MBTPS1: variants seen among roughly 807,000 people sequenced by gnomAD.
The protein encoded by MBTPS1 is membrane bound transcription factor peptidase, site 1.
MBTPS1 carries 94 observed loss-of-function variants against 127.8 expected under a neutral mutation model. That is an observed-to-expected ratio of 0.74 (90% CI 0.62 to 0.87). The LOEUF (loss-of-function observed/expected upper bound fraction) is 0.87, where lower values mean the gene tolerates loss of function less well. Ranked by LOEUF, MBTPS1 falls within the 40% of genes least tolerant of loss-of-function variation. The pLI, the probability that MBTPS1 is intolerant of heterozygous loss-of-function variation, is 0.00. For missense variants in MBTPS1, 1,636 were observed against 1,353.2 expected (o/e 1.21, Z -3.28); for synonymous variants, 632 against 509.4 (o/e 1.24, Z -3.24).
At position 84,067,684 on chromosome 16, in the gene MBTPS1, A is replaced by G. The variant is rs754576279; in HGVS notation, c.2211T>C (p.Phe737=). Residue 737 remains phenylalanine (F), a synonymous_variant, in exon 16 of 23, where the codon TTT becomes TTC. Transcript: ENST00000343411. ...AACAGTACCTTGTGTTTTCATCATA[A>G]AACTTCACTTTTCTCATAACAGAAG... ...YNTSVMRKVK[F]YDENTRQWWM... 1.2e-6 allele frequency: 2 copies of G among 1,612,496 alleles called. No homozygotes were observed. The highest frequency in any genetic ancestry group is 1.7e-6 in the Non-Finnish European group (2 of 1,178,624).
intron 1 of MBTPS1, among the ~76,000 whole-genome samples, chr16:84,110,048 T>A (rs117239105): frequency 6.6e-6 from 1 of 152,290 alleles, no homozygotes; most frequent in East Asian, 1.9e-4. Flanking sequence ...AAAAAATAAG[T>A]TCTTTATTTA....
At chr16:84,073,835 T>A (rs2085810370) in intron 12 of MBTPS1, among the ~76,000 whole-genome samples, 1 of 151,920 alleles carries the variant, frequency 6.6e-6, no homozygotes, top group African/African-American at 2.4e-5. Flanking sequence ...TGAAACCCTG[T>A]CTCCACTAAA....
At chr16:84,109,988 C>T (rs2086377137) in intron 1 of MBTPS1, among the ~76,000 whole-genome samples, 1 of 152,180 alleles carries the variant, frequency 6.6e-6, no homozygotes, top group African/African-American at 2.4e-5. Context: ...TGGTTTCATA[C>T]TGTTCGTGCA....
chr16:84,088,081 A>T (rs1400616896), intron 8 of MBTPS1, among the ~76,000 whole-genome samples: 4 of 152,212 alleles, frequency 2.6e-5, no homozygotes, highest in Admixed American at 2.6e-4. Context: ...TCTGCAAAGA[A>T]ATTATAGTGA....
intron 12 of MBTPS1, 68 bp downstream of exon 12, chr16:84,074,529 G>A (rs1316843491): frequency 6.7e-7 from 1 of 1,497,190 alleles, no homozygotes; most frequent in East Asian, 2.3e-5. Context: ...AAGTAACTAT[G>A]GCCTAAAGGT....
chr16:84,093,659 A>T, intron 5 of MBTPS1, 52 bp downstream of exon 5: 1 of 1,220,464 alleles, frequency 8.2e-7, no homozygotes, highest in Non-Finnish European at 1.2e-6. Context: ...CATGCACTAA[A>T]CACACTCTCA....
rs116608267 is a variant in MBTPS1 at position 84,072,782 on chromosome 16, C to T, written c.1593+1815G>A. On this transcript the variant is annotated intron_variant, in intron 12 of 22. Transcript: ENST00000343411. ...TCAAGCCTGGGAGAGAGCGAGACTC[C>T]GTCTCAGAAAAAAAAAGGCAAATCA... is the stretch of plus-strand genomic sequence containing the variant. Among the ~76,000 whole-genome samples, 317 of 152,018 alleles carry T rather than the reference C, an allele frequency of 2.1e-3. 1 individual carries two copies. The highest frequency in any genetic ancestry group is 7.5e-3 in the African/African-American group (311 of 41,428).
intron 1 of MBTPS1, among the ~76,000 whole-genome samples, chr16:84,107,776 T>G (rs909317918): frequency 1.3e-4 from 19 of 151,194 alleles, no homozygotes; most frequent in African/African-American, 4.6e-4. Context: ...ACAATCATGG[T>G]TCACTGCAGC....
intron 8 of MBTPS1, 82 bp downstream of exon 8, chr16:84,090,793 G>A: frequency 1.0e-6 from 1 of 958,024 alleles, no homozygotes; most frequent in South Asian, 1.4e-5. Flanking sequence ...GTAACCATAG[G>A]TAGATACACA....
At chr16:84,056,385 A>G in intron 21 of MBTPS1, 1 of 387,922 alleles carries the variant, frequency 2.6e-6, no homozygotes, top group Non-Finnish European at 4.7e-6. Flanking sequence ...TATGACCAGC[A>G]GGAGCCTGTT....
In MBTPS1 at chr16:84,068,400, G is replaced by C. The variant is rs1295626525; in HGVS notation, c.2010C>G (p.Ser670Arg). The change falls in exon 15 of 23, where the codon AGC becomes AGG. Residue 670 changes from serine (S) to arginine (R), a missense_variant. Ser to Arg is a moderately radical substitution (Grantham distance 110, BLOSUM62 -1). Transcript: ENST00000343411. ...NFRDMYQHLRSMGYFVEVLGA... is the reference protein window; with the variant it reads ...NFRDMYQHLRRMGYFVEVLGA... The stretch of plus-strand genomic sequence containing the variant: ...CGAGGACCTCTACAAAGTAGCCCAT[G>C]CTTCTCAGATGCTGGTACATATCCC... The C allele has an allele frequency of 6.2e-7, 1 of 1,614,132 alleles. No individual in the cohort carries two copies. Among genetic ancestry groups the C allele is most frequent in the Non-Finnish European group, 8.5e-7 (1 of 1,180,044 alleles).
At chr16:84,085,807 G>A (rs2086014019) in intron 9 of MBTPS1, among the ~76,000 whole-genome samples, 1 of 151,918 alleles carries the variant, frequency 6.6e-6, no homozygotes, top group Non-Finnish European at 1.5e-5. Context: ...TTTATCTCTA[G>A]ATAAGTTAAA....
intron 13 of MBTPS1, 101 bp from the exon 14 acceptor site, chr16:84,070,139 T>C (rs2085749468): frequency 9.9e-7 from 1 of 1,009,008 alleles, no homozygotes; most frequent in Non-Finnish European, 1.4e-6. Flanking sequence ...CCTAAATAAT[T>C]TGAACACAAG....
intron 12 of MBTPS1, among the ~76,000 whole-genome samples, chr16:84,071,485 G>A (rs1471769535): frequency 1.3e-5 from 2 of 152,210 alleles, no homozygotes; most frequent in East Asian, 3.8e-4. Context: ...AGGATACGGT[G>A]TCCCAAATAA....
intron 1 of MBTPS1, among the ~76,000 whole-genome samples, chr16:84,112,242 C>T (rs1161453006): frequency 5.9e-5 from 9 of 152,002 alleles, no homozygotes; most frequent in African/African-American, 2.2e-4. Flanking sequence ...AAGACACATA[C>T]CAAAATGGTT....
At chr16:84,113,143 C>G (rs1261838819) in intron 1 of MBTPS1, among the ~76,000 whole-genome samples, 2 of 152,122 alleles carry the variant, frequency 1.3e-5, no homozygotes, top group African/African-American at 4.8e-5. Flanking sequence ...ACTTGCCAGC[C>G]TAAGGAAAAG....
rs137946252 is a variant in MBTPS1 at position 84,054,720 on chromosome 16, G to C, written c.2963-75C>G. 82 of 1,179,286 alleles carry C rather than the reference G, an allele frequency of 7.0e-5. No homozygotes were observed. In the East Asian group the frequency reaches 2.0e-3, roughly 29 times the overall value. The allele number at this position is 1,179,286 out of a possible 1,614,324, so 73.1% of individuals were successfully genotyped here. A position where few individuals can be genotyped will look rare whatever the true frequency, so the allele number is the denominator to read the frequency against. On this transcript the variant is annotated intron_variant, in intron 22 of 22. Transcript: ENST00000343411. Reference sequence around the variant, plus strand: ...TGACGGCCTTTTTCTATGACGGCTGGATTCATCAGAAACTAAATGCGAGCT... The same window carrying C: ...TGACGGCCTTTTTCTATGACGGCTGCATTCATCAGAAACTAAATGCGAGCT...
At chr16:84,055,710 G>C (rs1461530251) in intron 22 of MBTPS1, among the ~76,000 whole-genome samples, 1 of 152,266 alleles carries the variant, frequency 6.6e-6, no homozygotes, top group Non-Finnish European at 1.5e-5. Flanking sequence ...CTTTCATAAA[G>C]AGCGTGCAAG....
intron 19 of MBTPS1, 120 bp downstream of exon 19, chr16:84,063,185 C>G: frequency 9.6e-7 from 1 of 1,045,814 alleles, no homozygotes; most frequent in East Asian, 2.4e-5. Flanking sequence ...TCCAGCTGAG[C>G]CTGGCTCAAG....
Sources: allele counts gnomAD v4.1 joint callset (sites outside exome capture counted in the v4.1 genomes callset), GRCh38; gene constraint gnomAD v4.1.1; transcripts MANE v1.5; gene names NCBI Gene and HGNC (gene_info 2026-07-23, HGNC 2026-07-21).